The following BCORL1 variants were observed in gnomAD, a reference collection of about 807,000 sequenced individuals.
The protein encoded by BCORL1 is BCL-6 corepressor-like protein 1.
Under a neutral mutation model 87.6 loss-of-function variants are expected in BCORL1, and 7 were observed. That is an observed-to-expected ratio of 0.08 (90% confidence interval 0.05 to 0.15). The LOEUF is 0.15. BCORL1 is among the 10% of genes least tolerant of loss of function. The pLI, the probability that BCORL1 is intolerant of heterozygous loss-of-function variation, is 1.00. For missense variants in BCORL1, 1,215 were observed against 1,499.7 expected, an observed-to-expected ratio of 0.81 and a Z score of 3.13; for synonymous variants, 591 against 634.4, an observed-to-expected ratio of 0.93 and a Z score of 1.03.
chrX:130,008,345 C>T (rs775569474), intron 2 of BCORL1, among the ~76,000 whole-genome samples: 2 of 109,538 alleles, frequency 1.8e-5, no homozygotes, highest in Admixed American at 9.7e-5. Context: ...CTCACCGCAA[C>T]CTCCGCCTCC....
intron 1 of BCORL1, among the ~76,000 whole-genome samples, chrX:129,996,293 C>G (rs1431047634): frequency 9.0e-6 from 1 of 111,523 alleles, no homozygotes; most frequent in South Asian, 3.7e-4. Context: ...GATTCAGGGC[C>G]AGGCTTCAAG....
Position 130,014,701 on chromosome X carries a change from C to A in BCORL1, c.1929C>A (p.Pro643=). The A allele has an allele frequency of 8.3e-7, 1 of 1,211,582 alleles. No homozygotes were observed. Among genetic ancestry groups the A allele is most frequent in the African/African-American group, 1.7e-5 (1 of 57,745 alleles). Reference sequence around the variant, plus strand: ...TGCCGAACCAGCGCAAGACACCCCCCATGCCTGTGTTGACCCCCGTGCACA... The same window carrying A: ...TGCCGAACCAGCGCAAGACACCCCCAATGCCTGTGTTGACCCCCGTGCACA... The part of the protein sequence containing the change: ...LPLPNQRKTP[P]MPVLTPVHTS... Residue 643 remains proline, a synonymous_variant, in exon 4 of 14, where the codon CCC becomes CCA. Coordinates refer to ENST00000540052, the MANE Select transcript of BCORL1 (RefSeq NM_001379451.1).
chrX:130,014,771 C>T lies in BCORL1; in HGVS notation c.1999C>T (p.Arg667Cys), dbSNP rs2124448248. The T allele has an allele frequency of 4.1e-6, 5 of 1,211,624 alleles. No homozygotes were observed. The highest frequency in any genetic ancestry group is 3.0e-5 in the East Asian group (1 of 33,824). ...CTCCACAGTCCTGTCTAGGTCTCAGCGCACAACCCAGGCTGCCGGTGGCAA... is the reference window on the plus strand; with the variant it reads ...CTCCACAGTCCTGTCTAGGTCTCAGTGCACAACCCAGGCTGCCGGTGGCAA... Reference protein sequence around the residue: ...LLSTVLSRSQRTTQAAGGNVT... With the variant: ...LLSTVLSRSQCTTQAAGGNVT... Residue 667 changes from arginine to cysteine, a missense_variant, in exon 4 of 14, where the codon CGC becomes TGC. Coordinates refer to ENST00000540052, the MANE Select transcript of BCORL1 (RefSeq NM_001379451.1).
Position 129,998,386 on chromosome X carries a change from A to G in BCORL1, c.-44-6802A>G, listed in dbSNP as rs1927732649. 2.7e-5 allele frequency among the ~76,000 whole-genome samples: 3 copies of G among 110,558 alleles called. No individual in the cohort carries two copies. The Admixed American group carries it at 2.9e-4, about 11-fold the overall frequency. On this transcript the variant is annotated intron_variant, in intron 1 of 13. Coordinates refer to ENST00000540052, the MANE Select transcript of BCORL1 (RefSeq NM_001379451.1). Reference sequence around the variant, plus strand: ...GTGGTGGGGGGAGGTGGGAAGGGAGAACACATGAGTACCGGTGCTTCAAGC... The same window carrying G: ...GTGGTGGGGGGAGGTGGGAAGGGAGGACACATGAGTACCGGTGCTTCAAGC...
intron 1 of BCORL1, among the ~76,000 whole-genome samples, chrX:129,992,092 C>T (rs950072518): frequency 4.5e-5 from 5 of 110,323 alleles, no homozygotes; most frequent in Non-Finnish European, 9.5e-5. Flanking sequence ...ACTTCATCCT[C>T]CCAAGTAGCT....
rs1026479168 is a variant in BCORL1, at chrX:130,056,833, G to C, written c.*697G>C. On this transcript the variant is annotated 3_prime_UTR_variant, in exon 14 of 14. Transcript: ENST00000540052. Reference sequence around the variant, plus strand: ...TGCTGGCCCAGGGCTGGGGGCTTGGGGGTAAATCCTGAGGCTTTGGTGCTC... The same window carrying C: ...TGCTGGCCCAGGGCTGGGGGCTTGGCGGTAAATCCTGAGGCTTTGGTGCTC... The C allele has an allele frequency of 2.7e-5, 3 of 111,039 alleles. No homozygotes were observed. Among genetic ancestry groups the C allele is most frequent in the Admixed American group, 1.9e-4 (2 of 10,438 alleles). 9.2% of individuals were successfully genotyped at this position (111,039 alleles called of 1,213,427 possible).
intron 1 of BCORL1, among the ~76,000 whole-genome samples, chrX:130,004,062 C>T (rs1402322271): frequency 9.0e-6 from 1 of 111,134 alleles, no homozygotes; most frequent in Non-Finnish European, 1.9e-5. Context: ...AACTCAAGAG[C>T]TTAAGGGTCT....
rs752320467 is a variant in BCORL1, at chrX:130,013,556, C to G, written c.784C>G (p.Pro262Ala). Residue 262 changes from proline (P) to alanine (A), a missense_variant, in exon 4 of 14, where the codon CCA (proline) becomes GCA (alanine). Physicochemically the swap from Pro to Ala is conservative, Grantham distance 27. Coordinates refer to ENST00000540052, the MANE Select transcript of BCORL1 (RefSeq NM_001379451.1). ...LAPVPALAPA[P>A]PSVPTLISDS... is the part of the protein sequence containing the mutation. Reference sequence around the variant, plus strand: ...ACCTGTCCCGGCTCTGGCTCCAGCGCCACCGTCAGTGCCCACGCTCATCTC... The same window carrying G: ...ACCTGTCCCGGCTCTGGCTCCAGCGGCACCGTCAGTGCCCACGCTCATCTC... 32 of 1,209,229 alleles carry G rather than the reference C, an allele frequency of 2.6e-5. No individual in the cohort carries two copies. Among genetic ancestry groups the G allele is most frequent in the Middle Eastern group, 2.3e-4 (1 of 4,372 alleles).
chrX:130,013,388 C>G lies in BCORL1; in HGVS notation c.616C>G (p.Pro206Ala), dbSNP rs150969957. ...TCCTCTGCCAGCCCCTATCTGTCCC[C>G]CTGCTCCCGGTTCGGCCTCTGTGCC... ...FSPLPAPICP[P>A]APGSASVPHS... Residue 206 changes from proline (P) to alanine (A), a missense_variant, in exon 4 of 14, where the codon CCT becomes GCT. Physicochemically the swap from Pro to Ala is conservative, Grantham distance 27. Around this residue, in one of 5 missense-constraint regions of BCORL1, gnomAD observed 861 missense variants for 1,010.0 expected, o/e 0.85. Coordinates refer to ENST00000540052, the MANE Select transcript of BCORL1 (RefSeq NM_001379451.1). The G allele has an allele frequency of 1.7e-6, 2 of 1,211,312 alleles. No individual in the cohort carries two copies. Among genetic ancestry groups the G allele is most frequent in the Admixed American group, 4.3e-5 (2 of 46,011 alleles).
Position 130,039,269 on chromosome X carries a change from G to A in BCORL1, c.4827G>A (p.Lys1609=), listed in dbSNP as rs1931166682. Residue 1609 remains lysine (K), a synonymous_variant, in exon 11 of 14, where the codon AAG becomes AAA. Coordinates refer to ENST00000540052, the MANE Select transcript of BCORL1 (RefSeq NM_001379451.1). ...AGCTGGCCAGCAGCGACACCATGAA[G>A]CGCTTTCTCAGTGGTAAGCATGGTC... ...AMKLASSDTM[K]RFLSDHLSDL... The A allele has an allele frequency of 1.7e-6, 2 of 1,210,007 alleles. No individual in the cohort carries two copies.
rs576819097 is a variant in BCORL1 at position 129,994,246 on chromosome X, C to T, written c.-44-10942C>T. On this transcript the variant is annotated intron_variant, in intron 1 of 13. Transcript: ENST00000540052. ...GGGAGTGTTCTCCAAGTTTTCCCAC[C>T]GCAGTGTAGGCTATGGGTGCTAGAG... Among the ~76,000 whole-genome samples the T allele has an allele frequency of 4.7e-4, 53 of 112,330 alleles. No homozygotes were observed. The South Asian group carries it at 8.7e-3, about 18-fold the overall frequency.
At position 129,988,375 on chromosome X, in the gene BCORL1, C is replaced by T. The variant is rs115090544; in HGVS notation, c.-45+5613C>T. On this transcript the variant is annotated intron_variant, in intron 1 of 13. Transcript: ENST00000540052. The stretch of plus-strand genomic sequence containing the variant: ...AAATTTAACTCTGTGTTTCTATCCC[C>T]GTAATTCAAATATGCTGTTCTAGTT... 5.8e-3 allele frequency among the ~76,000 whole-genome samples: 637 copies of T among 110,716 alleles called. 9 individuals carry two copies. The highest frequency in any genetic ancestry group is 0.02 in the African/African-American group (595 of 30,450).
intron 8 of BCORL1, 36 bp from the exon 9 acceptor site, chrX:130,034,419 C>T (rs1930808813): frequency 8.4e-6 from 8 of 952,402 alleles, no homozygotes; most frequent in Non-Finnish European, 1.1e-5. Context: ...AGCTGCCTGG[C>T]CTGACCTGAC....
chrX:130,040,112 G>A (rs765787032), intron 11 of BCORL1, among the ~76,000 whole-genome samples: 40 of 112,165 alleles, frequency 3.6e-4, no homozygotes, highest in African/African-American at 1.1e-3. Flanking sequence ...CCTGAGCGGC[G>A]GAGCAGCTGG....
chrX:130,040,561 C>G (rs1248304939), intron 11 of BCORL1, among the ~76,000 whole-genome samples: 1 of 112,357 alleles, frequency 8.9e-6, no homozygotes, highest in Non-Finnish European at 1.9e-5. Flanking sequence ...AGGCTGGGGG[C>G]AGGATGGCTG....
chrX:130,047,568 C>T (rs1007414616), intron 11 of BCORL1, among the ~76,000 whole-genome samples: 8 of 112,216 alleles, frequency 7.1e-5, no homozygotes, highest in Admixed American at 3.8e-4. Flanking sequence ...AGGAATGTGC[C>T]AGAGGCTTTG....
chrX:129,983,426 TG>T (rs371853979), intron 1 of BCORL1, among the ~76,000 whole-genome samples: 3,107 of 37,022 alleles, frequency 0.084, 55 homozygotes, highest in African/African-American at 0.14. Flanking sequence ...GGCTTTTTTT[TG>T]GGGGGGGGGG....
intron 1 of BCORL1, among the ~76,000 whole-genome samples, chrX:130,000,983 G>A (rs1351118912): frequency 9.0e-6 from 1 of 110,560 alleles, no homozygotes; most frequent in East Asian, 2.8e-4. Context: ...CGTCACTTCA[G>A]TTCTTATCCA....
chrX:130,025,010 G>A lies in BCORL1; in HGVS notation c.3709G>A (p.Ala1237Thr). 8.3e-7 allele frequency: 1 copy of A among 1,211,360 alleles called. No individual in the cohort carries two copies. Among genetic ancestry groups the A allele is most frequent in the Non-Finnish European group, 1.1e-6 (1 of 895,215 alleles). The part of the protein sequence containing the change: ...SQSGSICSSF[A>T]GMADSDMGSQ... The stretch of plus-strand genomic sequence containing the variant: ...CACAGGAAGCATCTGTAGCTCCTTT[G>A]CTGGCATGGCAGACAGTGACATGGG... The change falls in exon 7 of 14, where the codon GCT becomes ACT. Residue 1237 changes from alanine (A) to threonine (T), a missense_variant. Ala to Thr is a moderately conservative substitution (Grantham distance 58, BLOSUM62 0). Coordinates refer to ENST00000540052, the MANE Select transcript of BCORL1 (RefSeq NM_001379451.1).
Sources: gnomAD v4.1 joint callset for allele counts (sites outside exome capture counted in the v4.1 genomes callset) on GRCh38, gnomAD v4.1.1 for gene constraint, gnomAD v4.1.1 regional missense constraint, MANE v1.5 for transcripts, NCBI Gene and HGNC (gene_info 2026-07-23, HGNC 2026-07-21) for gene names.